The following DFFB variants were observed in gnomAD, a reference collection of about 807,000 sequenced individuals.
DFFB encodes the protein DNA fragmentation factor 40 kDa subunit.
DFFB carries 29 observed loss-of-function variants against 32.7 expected under a neutral mutation model. The ratio of observed to expected loss-of-function variants is 0.89; its 90% CI spans 0.66 to 1.21. The LOEUF (loss-of-function observed/expected upper bound fraction) is 1.21. Ranked by LOEUF, DFFB falls within the 50% of genes most tolerant of loss-of-function variation. The pLI is 0.00. For missense variants in DFFB, 398 were observed against 440.6 expected (o/e 0.90, Z 0.87); for synonymous variants, 170 against 177.1 (o/e 0.96, Z 0.32).
chr1:3,866,036 C>T (rs1272094343), intron 3 of DFFB, 36 bp downstream of exon 3: 30 of 1,493,276 alleles, frequency 2.0e-5, no homozygotes, highest in Non-Finnish European at 2.6e-5. Context: ...GGAGAGGCTT[C>T]TTTGGAGCCT....
intron 6 of DFFB, among the ~76,000 whole-genome samples, chr1:3,879,565 C>G: frequency 6.6e-6 from 1 of 152,282 alleles, no homozygotes; most frequent in Admixed American, 6.5e-5. Context: ...CACGTGGGGA[C>G]ACAGCAAGAA....
In DFFB at chr1:3,868,206, G is replaced by T. The variant is rs559129602; in HGVS notation, c.510+153G>T. Among the ~76,000 whole-genome samples the T allele has an allele frequency of 2.6e-5, 4 of 152,282 alleles. No individual in the cohort carries two copies. In the South Asian group the frequency reaches 8.3e-4, roughly 32 times the overall value. Reference sequence around the variant, plus strand: ...GGGGCTGCTCTGGTGAGGGAAGCTAGCGCACGGACCCTGTGCCTCCTCCCT... The same window carrying T: ...GGGGCTGCTCTGGTGAGGGAAGCTATCGCACGGACCCTGTGCCTCCTCCCT... On this transcript the variant is annotated intron_variant, in intron 4 of 6. Transcript: ENST00000378209.
intron 1 of DFFB, among the ~76,000 whole-genome samples, chr1:3,858,312 G>C (rs1433230050): frequency 2.0e-5 from 3 of 152,204 alleles, no homozygotes; most frequent in Non-Finnish European, 4.4e-5. Context: ...CTTGTGCACA[G>C]AGGCAACCAA....
At chr1:3,880,183 A>G (rs565585450) in intron 6 of DFFB, among the ~76,000 whole-genome samples, 6 of 152,162 alleles carry the variant, frequency 3.9e-5, no homozygotes, top group Non-Finnish European at 8.8e-5. Context: ...GCCCCAGTAA[A>G]GGCTGGCACC....
intron 4 of DFFB, among the ~76,000 whole-genome samples, chr1:3,869,150 T>C (rs1054792215): frequency 6.6e-6 from 1 of 152,172 alleles, no homozygotes; most frequent in African/African-American, 2.4e-5. Context: ...ACCTCTGCCT[T>C]CCAGGTTCAA....
rs1481847836 is a variant in DFFB, at chr1:3,884,898, T to C, written c.*1157T>C. 1.3e-5 allele frequency: 2 copies of C among 152,120 alleles called. No individual in the cohort carries two copies. Among genetic ancestry groups the C allele is most frequent in the East Asian group, 1.9e-4 (1 of 5,194 alleles). The allele number at this position is 152,120 out of a possible 1,614,324, so 9.4% of individuals were successfully genotyped here. A position where few individuals can be genotyped will look rare whatever the true frequency, so the allele number is the denominator to read the frequency against. On this transcript the variant is annotated 3_prime_UTR_variant, in exon 7 of 7. Transcript: ENST00000378209. ...CTGAATTGTTTATAATGGCAAGAAA[T>C]AGGAAACCCCCCAATGTCTGTTGAA...
Position 3,872,508 on chromosome 1 carries a change from T to G in DFFB, c.718T>G (p.Ser240Ala). 1 of 1,613,778 alleles carries G rather than the reference T, an allele frequency of 6.2e-7. No homozygotes were observed. Among genetic ancestry groups the G allele is most frequent in the South Asian group, 1.1e-5 (1 of 91,064 alleles). Reference protein sequence around the residue: ...FDMDSCLSRHSINPYSNRESR... With the variant: ...FDMDSCLSRHAINPYSNRESR... ...CATGGACAGCTGCTTATCAAGACACTCCATCAACCCCTACAGTAACAGGGA... is the reference window on the plus strand; with the variant it reads ...CATGGACAGCTGCTTATCAAGACACGCCATCAACCCCTACAGTAACAGGGA... Residue 240 changes from serine to alanine, a missense_variant, in exon 6 of 7, where the codon TCC becomes GCC. By Grantham distance (99) the Ser-to-Ala change is moderately conservative. Coordinates refer to ENST00000378209, the MANE Select transcript of DFFB (RefSeq NM_004402.4).
chr1:3,859,678 T>C (rs931908487), intron 2 of DFFB, among the ~76,000 whole-genome samples: 1 of 152,234 alleles, frequency 6.6e-6, no homozygotes, highest in Non-Finnish European at 1.5e-5. Context: ...CTGTCAGCAT[T>C]GAGGGGTGAC....
rs761854521 is a variant in DFFB, at chr1:3,869,666, G to A, written c.572G>A (p.Gly191Asp). 1 of 1,613,566 alleles carries A rather than the reference G, an allele frequency of 6.2e-7. No homozygotes were observed. The highest frequency in any genetic ancestry group is 1.1e-5 in the South Asian group (1 of 91,074). The change falls in exon 5 of 7, where the codon GGC becomes GAC. Residue 191 changes from glycine (G) to aspartate (D), a missense_variant. Gly to Asp is a moderately conservative substitution (Grantham distance 94). Transcript: ENST00000378209. The part of the protein sequence containing the change: ...EAQEEFLRVL[G>D]SMCQRLRSMQ... ...CAGGAGGAATTCCTGCGGGTCCTCGGCTCCATGTGCCAGAGGCTCCGGTCC... is the reference window on the plus strand; with the variant it reads ...CAGGAGGAATTCCTGCGGGTCCTCGACTCCATGTGCCAGAGGCTCCGGTCC...
Position 3,883,691 on chromosome 1 carries a change from A to C in DFFB, c.967A>C (p.Lys323Gln). The change falls in exon 7 of 7, where the codon AAA becomes CAA. Residue 323 changes from lysine to glutamine, a missense_variant. Coordinates refer to ENST00000378209, the MANE Select transcript of DFFB (RefSeq NM_004402.4). ...CAACTGTGACCCAAGCAGAATCTAC[A>C]AACCCCAGACAAGGTTGAAGCGGAA... ...KLNCDPSRIY[K>Q]PQTRLKRKQP... 1.2e-6 allele frequency: 2 copies of C among 1,614,164 alleles called. No homozygotes were observed. The highest frequency in any genetic ancestry group is 2.2e-5 in the South Asian group (2 of 91,090).
chr1:3,868,155 A>T, intron 4 of DFFB, 102 bp downstream of exon 4: 3 of 1,053,530 alleles, frequency 2.8e-6, no homozygotes, highest in South Asian at 2.5e-5. Flanking sequence ...TGGTAGGACC[A>T]CACTCCGTGC....
chr1:3,861,049 G>A (rs1644869992), intron 2 of DFFB, among the ~76,000 whole-genome samples: 1 of 151,664 alleles, frequency 6.6e-6, no homozygotes, highest in East Asian at 1.9e-4. Context: ...CGCTACTCAG[G>A]AGGCTGAGGC....
At chr1:3,878,131 C>T (rs1645261694) in intron 6 of DFFB, among the ~76,000 whole-genome samples, 1 of 151,888 alleles carries the variant, frequency 6.6e-6, no homozygotes, top group African/African-American at 2.4e-5. Context: ...AGAGTTTGGC[C>T]ATGATGGCTA....
At chr1:3,875,003 C>T (rs1357077444) in intron 6 of DFFB, among the ~76,000 whole-genome samples, 3 of 151,750 alleles carry the variant, frequency 2.0e-5, no homozygotes, top group Non-Finnish European at 4.4e-5. Flanking sequence ...CTTTACCACA[C>T]GCGTGTGGGT....
intron 3 of DFFB, chr1:3,866,316 G>A (rs772857127): frequency 3.4e-5 from 15 of 435,584 alleles, no homozygotes; most frequent in Admixed American, 5.2e-5. Flanking sequence ...TTGGCTCACC[G>A]CAACCTCTGC....
At chr1:3,881,812 G>T (rs985454343) in intron 6 of DFFB, among the ~76,000 whole-genome samples, 1 of 151,864 alleles carries the variant, frequency 6.6e-6, no homozygotes, top group East Asian at 2.0e-4. Flanking sequence ...GGACATTACC[G>T]TGAGCTGAGA....
chr1:3,865,705 C>G lies in DFFB; in HGVS notation c.242-107C>G. The G allele has an allele frequency of 1.3e-6, 2 of 1,572,468 alleles. No individual in the cohort carries two copies. The highest frequency in any genetic ancestry group is 1.8e-6 in the Non-Finnish European group (2 of 1,142,310). ...CTCAAGTCTGAGTCCTGGTGATTGC[C>G]AGGCCCTGGGGAATGGGGGAAGATG... is the stretch of plus-strand genomic sequence containing the variant. On this transcript the variant is annotated intron_variant, in intron 2 of 6. Transcript: ENST00000378209. The surrounding 1 kb of genome is among the most constrained non-coding windows in gnomAD (Gnocchi z 4.7).
At chr1:3,868,908 G>A (rs879356952) in intron 4 of DFFB, among the ~76,000 whole-genome samples, 5 of 152,204 alleles carry the variant, frequency 3.3e-5, no homozygotes, top group Admixed American at 2.0e-4. Flanking sequence ...AGGTCCTGGC[G>A]ACTTGCCATG....
Position 3,883,498 on chromosome 1 carries a change from A to G in DFFB, c.783-9A>G. 1 of 1,612,768 alleles carries G rather than the reference A, an allele frequency of 6.2e-7. No homozygotes were observed. ...CACAGAAAATGATGTCTCTAACCTT[A>G]CTTTGCAGAATAGAAAAGAAACGCA... is the stretch of plus-strand genomic sequence containing the variant. On this transcript the variant is annotated splice_polypyrimidine_tract_variant and intron_variant, in intron 6 of 6. Transcript: ENST00000378209.
Sources: allele counts gnomAD v4.1 joint callset (sites outside exome capture counted in the v4.1 genomes callset), GRCh38; gene constraint gnomAD v4.1.1; non-coding constraint Gnocchi (gnomAD v3.1); transcripts MANE v1.5; gene names NCBI Gene and HGNC (gene_info 2026-07-23, HGNC 2026-07-21).